TXNRD2: variants seen among roughly 807,000 people sequenced by gnomAD.
TXNRD2 encodes the protein thioredoxin reductase 2.
A neutral mutation model predicts 70.8 loss-of-function variants in TXNRD2; 67 were observed. The observed-to-expected ratio is 0.95, with a 90% CI of 0.78 to 1.16. The LOEUF (loss-of-function observed/expected upper bound fraction) is 1.16, where lower values mean the gene tolerates loss of function less well. Among genes scored for constraint, TXNRD2 ranks in the 50% most tolerant of loss-of-function variants. TXNRD2 has a pLI of 0.00. For missense variants in TXNRD2, 644 were observed against 719.9 expected (o/e 0.89, Z 1.21); for synonymous variants, 301 against 295.8 (o/e 1.02, Z -0.18).
rs769996341 is a variant in TXNRD2, at chr22:19,911,956, GGGT to G, written c.592-512_592-510del. ...GAGCTCAGGTGTGTCTGCGCGGCAGGGGTGGCCTACAAGGCCAGCCAGAGGAGA... is the reference window on the plus strand; with the variant it reads ...GAGCTCAGGTGTGTCTGCGCGGCAGGGGCCTACAAGGCCAGCCAGAGGAGA... On this transcript the variant is annotated intron_variant, in intron 7 of 17. Transcript: ENST00000400521. Among the ~76,000 whole-genome samples the G allele has an allele frequency of 6.2e-4, 94 of 152,310 alleles. 1 individual carries two copies. Among genetic ancestry groups the G allele is most frequent in the Admixed American group, 2.0e-3 (30 of 15,300 alleles).
At chr22:19,937,344 T>A (rs1941567974) in intron 1 of TXNRD2, among the ~76,000 whole-genome samples, 1 of 152,220 alleles carries the variant, frequency 6.6e-6, no homozygotes. Context: ...AGCTTCTGTT[T>A]CTTTTACTAT....
At chr22:19,898,307 AGCC>A (rs1450693354) in intron 9 of TXNRD2, among the ~76,000 whole-genome samples, 177 bp from the exon 10 acceptor site, 2 of 152,118 alleles carry the variant, frequency 1.3e-5, no homozygotes, top group African/African-American at 4.8e-5. Flanking sequence ...GTTAGCAAGG[AGCC>A]GCCAAGCAGC....
chr22:19,878,252 C>G, intron 15 of TXNRD2, 65 bp from the exon 16 acceptor site: 27 of 1,595,870 alleles, frequency 1.7e-5, no homozygotes, highest in Non-Finnish European at 2.3e-5. Context: ...CCTGCATCCA[C>G]CCTGCACCCT....
chr22:19,915,248 ATGATGATG>A lies in TXNRD2; in HGVS notation c.549_556del (p.Ile184CysfsTer23). ...GTATCTCGGCCGCCCTCCAGTAGCA[ATGATGATG>A]TGATCGGCTGACAGCAGAATCTGAG... On this transcript the variant is annotated frameshift_variant, in exon 7 of 18. Transcript: ENST00000400521. LOFTEE classifies it high-confidence loss of function. 1.2e-6 allele frequency: 2 copies of A among 1,613,926 alleles called. No homozygotes were observed. The highest frequency in any genetic ancestry group is 1.7e-6 in the Non-Finnish European group (2 of 1,179,948).
At chr22:19,895,781 C>T (rs1021926776) in intron 10 of TXNRD2, among the ~76,000 whole-genome samples, 200 bp from the exon 11 acceptor site, 5 of 152,212 alleles carry the variant, frequency 3.3e-5, no homozygotes, top group Admixed American at 6.5e-5. Flanking sequence ...AAGTCCTCAA[C>T]CCTGGGCCCT....
chr22:19,876,014 GCTC>G (rs1329618547), intron 17 of TXNRD2: 3 of 152,260 alleles, frequency 2.0e-5, no homozygotes, highest in Non-Finnish European at 2.9e-5. Context: ...TTTATAGCAG[GCTC>G]CTAACAAAAC....
intron 1 of TXNRD2, among the ~76,000 whole-genome samples, chr22:19,940,930 G>A (rs1266903716): frequency 2.0e-5 from 3 of 152,166 alleles, no homozygotes; most frequent in African/African-American, 4.8e-5. Flanking sequence ...CGCGGGCAGA[G>A]GGCCAGCCAC....
At chr22:19,900,489 G>A (rs556080595) in intron 8 of TXNRD2, among the ~76,000 whole-genome samples, 5 of 152,328 alleles carry the variant, frequency 3.3e-5, no homozygotes, top group African/African-American at 1.2e-4. Flanking sequence ...GGTGGCTCAC[G>A]CCTGTAATCC....
intron 1 of TXNRD2, chr22:19,932,332 T>C (rs770251650): frequency 3.1e-6 from 5 of 1,612,512 alleles, no homozygotes; most frequent in East Asian, 4.5e-5. Flanking sequence ...GAATTCCTTT[T>C]GGGCTGGTTG....
chr22:19,895,328 G>C, intron 11 of TXNRD2, 79 bp downstream of exon 11: 2 of 1,605,206 alleles, frequency 1.2e-6, no homozygotes, highest in Non-Finnish European at 1.7e-6. Flanking sequence ...GCCCTGGGAG[G>C]TGACAGGAAG....
In TXNRD2 at chr22:19,918,128, A is replaced by G. The variant is rs1569101256; in HGVS notation, c.449+15T>C. On this transcript the variant is annotated intron_variant, in intron 5 of 17. Coordinates refer to ENST00000400521, the MANE Select transcript of TXNRD2 (RefSeq NM_006440.5). Reference sequence around the variant, plus strand: ...GGCCCAGAGGGCGGCCCATTCCCGGAGAGAGCTTCAGTACCTGTCCTGAAG... The same window carrying G: ...GGCCCAGAGGGCGGCCCATTCCCGGGGAGAGCTTCAGTACCTGTCCTGAAG... The G allele has an allele frequency of 6.2e-7, 1 of 1,613,338 alleles. No homozygotes were observed. Among genetic ancestry groups the G allele is most frequent in the Admixed American group, 1.7e-5 (1 of 60,014 alleles).
At chr22:19,892,555 G>A (rs1304356375) in intron 11 of TXNRD2, among the ~76,000 whole-genome samples, 2 of 152,274 alleles carry the variant, frequency 1.3e-5, no homozygotes, top group Admixed American at 6.5e-5. Flanking sequence ...TGAGTAGGGA[G>A]GGGCCTCGCT....
At chr22:19,900,393 A>T (rs915163545) in intron 8 of TXNRD2, among the ~76,000 whole-genome samples, 8 of 152,350 alleles carry the variant, frequency 5.3e-5, no homozygotes, top group African/African-American at 1.9e-4. Flanking sequence ...CACTTCCAAA[A>T]TGGCGAAACC....
chr22:19,926,401 A>C (rs988654056), intron 2 of TXNRD2, among the ~76,000 whole-genome samples: 3 of 151,832 alleles, frequency 2.0e-5, no homozygotes, highest in African/African-American at 7.3e-5. Flanking sequence ...GAGGCAGGAG[A>C]ATCATTTGAG....
chr22:19,935,260 G>A (rs949995606), intron 1 of TXNRD2, among the ~76,000 whole-genome samples: 13 of 152,194 alleles, frequency 8.5e-5, no homozygotes, highest in African/African-American at 3.1e-4. Flanking sequence ...CACTCTGGGA[G>A]TGTCTGTCTT....
chr22:19,895,452 C>T lies in TXNRD2; in HGVS notation c.904G>A (p.Gly302Ser), dbSNP rs781228620. The T allele has an allele frequency of 3.4e-5, 55 of 1,613,838 alleles. No individual in the cohort carries two copies. Among genetic ancestry groups the T allele is most frequent in the Non-Finnish European group, 4.2e-5 (50 of 1,179,998 alleles). ...TCAAAGGTGCCCGTGTCCTCCTTGC[C>T]GGTGGTGCTGTCCTCCCAGGTGACC... ...LQVTWEDSTT[G>S]KEDTGTFDTV... Residue 302 changes from glycine (G) to serine (S), a missense_variant, in exon 11 of 18, where the codon GGC (glycine) becomes AGC (serine). Gly to Ser is a moderately conservative substitution (Grantham distance 56). Transcript: ENST00000400521.
intron 11 of TXNRD2, among the ~76,000 whole-genome samples, chr22:19,893,484 C>T (rs556553787): frequency 7.9e-5 from 12 of 152,362 alleles, no homozygotes; most frequent in Non-Finnish European, 1.5e-4. Context: ...CTTGCGGCGG[C>T]CCATCTGCAA....
chr22:19,881,281 A>G (rs1240198344), intron 12 of TXNRD2: 1 of 394,324 alleles, frequency 2.5e-6, no homozygotes, highest in Non-Finnish European at 4.5e-6. Context: ...GCCAATCACC[A>G]TGGCAGCAGG....
At chr22:19,918,362 A>C (rs1940732981) in intron 4 of TXNRD2, 145 bp from the exon 5 acceptor site, 1 of 748,790 alleles carries the variant, frequency 1.3e-6, no homozygotes, top group African/African-American at 1.7e-5. Context: ...CGTGACATCC[A>C]TCCCTACGTG....
Sources: gnomAD v4.1 joint callset for allele counts (sites outside exome capture counted in the v4.1 genomes callset) on GRCh38, gnomAD v4.1.1 for gene constraint, MANE v1.5 for transcripts, NCBI Gene and HGNC (gene_info 2026-07-23, HGNC 2026-07-21) for gene names.